The following MBP variants were observed in gnomAD, a reference collection of about 807,000 sequenced individuals.
The protein encoded by MBP is myelin basic protein.
MBP carries 16 observed loss-of-function variants against 35.8 expected under a neutral mutation model. The ratio of observed to expected loss-of-function variants is 0.45; its 90% CI spans 0.30 to 0.68. The LOEUF (loss-of-function observed/expected upper bound fraction) is 0.68. MBP is among the 30% of genes least tolerant of loss of function. MBP has a pLI of 0.08. For synonymous variants in MBP, 143 were observed against 159.6 expected, an observed-to-expected ratio of 0.90 and a Z score of 0.78; for missense variants, 380 against 404.7, an observed-to-expected ratio of 0.94 and a Z score of 0.52.
chr18:76,994,577 A>C (rs570060505), intron 4 of MBP, among the ~76,000 whole-genome samples: 136 of 152,332 alleles, frequency 8.9e-4, no homozygotes, highest in African/African-American at 3.1e-3. Context: ...AAAATGATAT[A>C]TTTTTGAAGG....
In MBP at chr18:77,104,881, CCTCTTT is replaced by C. The variant is rs999917579; in HGVS notation, c.51+324_51+329del. Among the ~76,000 whole-genome samples the C allele has an allele frequency of 4.8e-4, 73 of 152,152 alleles. 1 individual carries two copies. Among genetic ancestry groups the C allele is most frequent in the African/African-American group, 1.7e-3 (72 of 41,500 alleles). On this transcript the variant is annotated intron_variant, in intron 2 of 8. Transcript: ENST00000355994. ...TTCGTCTTCCTCTCCTCCTGGTTTCCCTCTTTCTCTTTCTTCTTCTCCGTGTCTCTT... is the reference window on the plus strand; with the variant it reads ...TTCGTCTTCCTCTCCTCCTGGTTTCCCTCTTTCTTCTTCTCCGTGTCTCTT...
chr18:77,029,875 A>G (rs1371686112), intron 3 of MBP, among the ~76,000 whole-genome samples: 2 of 152,050 alleles, frequency 1.3e-5, no homozygotes, highest in Non-Finnish European at 2.9e-5. Context: ...CCCGGAAACT[A>G]ATAATTTTCC....
intron 4 of MBP, among the ~76,000 whole-genome samples, chr18:77,009,387 G>A (rs1023406121): frequency 2.0e-5 from 3 of 152,216 alleles, no homozygotes; most frequent in Non-Finnish European, 1.5e-5. Flanking sequence ...GACACTCATC[G>A]TTTAGAGCTC....
At chr18:77,006,999 C>G (rs181660297) in intron 4 of MBP, among the ~76,000 whole-genome samples, 1 of 152,108 alleles carries the variant, frequency 6.6e-6, no homozygotes, top group Admixed American at 6.5e-5. Flanking sequence ...CTGTTCAGCT[C>G]GCGTTTCTCA....
intron 4 of MBP, chr18:77,010,071 C>T (rs138676372): frequency 1.5e-4 from 92 of 625,672 alleles, no homozygotes; most frequent in Middle Eastern, 1.3e-3. Context: ...GGATGAAGGA[C>T]GACAGGGAGA....
chr18:77,063,825 T>C (rs994432503), intron 3 of MBP, among the ~76,000 whole-genome samples: 59 of 152,106 alleles, frequency 3.9e-4, no homozygotes, highest in African/African-American at 1.4e-3. Flanking sequence ...CTTGATAGCG[T>C]AAGGAAAGGG....
intron 2 of MBP, among the ~76,000 whole-genome samples, chr18:77,068,636 G>T (rs965856421): frequency 6.6e-6 from 1 of 152,172 alleles, no homozygotes; most frequent in African/African-American, 2.4e-5. Flanking sequence ...GTGTACACCT[G>T]CCAGGCTTCT....
At chr18:77,033,589 A>G (rs1216305207) in intron 3 of MBP, among the ~76,000 whole-genome samples, 1 of 151,810 alleles carries the variant, frequency 6.6e-6, no homozygotes, top group Non-Finnish European at 1.5e-5. Flanking sequence ...CCACATATCC[A>G]TCCATCCATC....
chr18:77,073,895 A>T (rs1974548027), intron 2 of MBP, among the ~76,000 whole-genome samples: 1 of 152,202 alleles, frequency 6.6e-6, no homozygotes, highest in Admixed American at 6.5e-5. Context: ...AAGCTAAAAG[A>T]TCACCATGAT....
chr18:77,087,899 C>T (rs1975323141), intron 2 of MBP, among the ~76,000 whole-genome samples: 1 of 152,030 alleles, frequency 6.6e-6, no homozygotes, highest in Admixed American at 6.5e-5. Flanking sequence ...GCTGACACCC[C>T]GCGGGGCAGG....
chr18:77,106,479 T>C (rs2145143004), intron 1 of MBP, among the ~76,000 whole-genome samples: 1 of 152,144 alleles, frequency 6.6e-6, no homozygotes, highest in South Asian at 2.1e-4. Flanking sequence ...GGAGTCCACC[T>C]CCCTCACGTG....
chr18:77,126,613 A>T (rs1263736630), intron 1 of MBP, among the ~76,000 whole-genome samples: 2 of 152,232 alleles, frequency 1.3e-5, no homozygotes, highest in African/African-American at 4.8e-5. Flanking sequence ...TGCAGATAAC[A>T]TGATGATCTA....
chr18:77,046,470 G>A (rs1321556403), intron 3 of MBP, among the ~76,000 whole-genome samples: 1 of 152,248 alleles, frequency 6.6e-6, no homozygotes, highest in African/African-American at 2.4e-5. Context: ...CAGGGAGGGT[G>A]TGTTGGGCCT....
At chr18:77,071,261 C>A (rs1469462522) in intron 2 of MBP, among the ~76,000 whole-genome samples, 1 of 152,160 alleles carries the variant, frequency 6.6e-6, no homozygotes, top group African/African-American at 2.4e-5. Flanking sequence ...CTCTCACCTG[C>A]AAAACCAGTT....
At chr18:77,063,925 T>A (rs1974088513) in intron 3 of MBP, among the ~76,000 whole-genome samples, 1 of 148,484 alleles carries the variant, frequency 6.7e-6, no homozygotes, top group Non-Finnish European at 1.5e-5. Context: ...TGTGTGTGTA[T>A]GTGTGTATTT....
At chr18:77,122,686 G>A (rs1351293801) in intron 1 of MBP, among the ~76,000 whole-genome samples, 2 of 152,152 alleles carry the variant, frequency 1.3e-5, no homozygotes, top group African/African-American at 4.8e-5. Flanking sequence ...GGGATTACAG[G>A]CGCCCACCAC....
At chr18:77,082,150 C>A (rs939790678) in intron 2 of MBP, among the ~76,000 whole-genome samples, 2 of 152,100 alleles carry the variant, frequency 1.3e-5, no homozygotes, top group Non-Finnish European at 2.9e-5. Flanking sequence ...CTGCGCCCGG[C>A]CCATAGCAGC....
rs778864864 is a variant in MBP, at chr18:77,020,342, C to T, written c.140-3074G>A. Among the ~76,000 whole-genome samples the T allele has an allele frequency of 6.6e-6, 1 of 152,126 alleles. No homozygotes were observed. The highest frequency in any genetic ancestry group is 1.5e-5 in the Non-Finnish European group (1 of 68,032). ...CAGTTGAGAATGCATGCCTGCCAAG[C>T]GACCAAGAGTGAGCAGTGGACAGAT... On this transcript the variant is annotated intron_variant, in intron 3 of 8. Transcript: ENST00000355994. The surrounding 1 kb of genome is among the most constrained non-coding windows in gnomAD (Gnocchi z 4.1).
intron 2 of MBP, among the ~76,000 whole-genome samples, chr18:77,067,227 G>A (rs1248154982): frequency 6.6e-6 from 1 of 152,224 alleles, no homozygotes; most frequent in East Asian, 1.9e-4. Flanking sequence ...CCCCTTCTGG[G>A]AGGCAGCTGG....
Sources: gnomAD v4.1 joint callset for allele counts (sites outside exome capture counted in the v4.1 genomes callset) on GRCh38, gnomAD v4.1.1 for gene constraint, Gnocchi (gnomAD v3.1) non-coding constraint, MANE v1.5 for transcripts, NCBI Gene and HGNC (gene_info 2026-07-23, HGNC 2026-07-21) for gene names.